The following ATP5MC3 variants were observed in gnomAD, a reference collection of about 807,000 sequenced individuals.
The protein encoded by ATP5MC3 is ATP synthase F(0) complex subunit C3, mitochondrial.
In ATP5MC3, 6 loss-of-function variants were observed where a neutral mutation model predicts 15.6. The ratio of observed to expected loss-of-function variants is 0.38; its 90% CI spans 0.21 to 0.76. The LOEUF (loss-of-function observed/expected upper bound fraction) is 0.76, where lower values mean the gene tolerates loss of function less well. Among genes scored for constraint, ATP5MC3 ranks in the 30% least tolerant of loss-of-function variants. The pLI, the probability that ATP5MC3 is intolerant of heterozygous loss-of-function variation, is 0.44. For missense variants in ATP5MC3, 132 were observed against 171.2 expected (o/e 0.77, Z 1.28); for synonymous variants, 66 against 63.3 (o/e 1.04, Z -0.20).
At chr2:175,178,987 T>C (rs936204348) in intron 4 of ATP5MC3, 70 bp downstream of exon 4, 1 of 1,563,448 alleles carries the variant, frequency 6.4e-7, no homozygotes, top group East Asian at 2.3e-5. Flanking sequence ...AAAGTAGCTA[T>C]TATTTCAGTA....
rs577775985 is a variant in ATP5MC3, at chr2:175,178,417, A to G, written c.315-15T>C. The G allele has an allele frequency of 2.5e-6, 4 of 1,580,950 alleles. No homozygotes were observed. The highest frequency in any genetic ancestry group is 2.0e-5 in the Admixed American group (1 of 49,398). ...GCGAAGGGTTTCTAAAAGAGACCAC[A>G]TATGACTGTTACTTTGAAATATTAA... is the stretch of plus-strand genomic sequence containing the variant. On this transcript the variant is annotated splice_polypyrimidine_tract_variant and intron_variant, in intron 4 of 4. Coordinates refer to ENST00000284727, the MANE Select transcript of ATP5MC3 (RefSeq NM_001689.5).
At chr2:175,181,223 T>G in intron 2 of ATP5MC3, 132 bp downstream of exon 2, 1 of 1,115,656 alleles carries the variant, frequency 9.0e-7, no homozygotes, top group Non-Finnish European at 1.3e-6. Context: ...GGCAATGGGT[T>G]AATAGGTAAG....
chr2:175,178,393 C>T lies in ATP5MC3; in HGVS notation c.324G>A (p.Ser108=), dbSNP rs777341021. 6.2e-6 allele frequency: 10 copies of T among 1,603,748 alleles called. No individual in the cohort carries two copies. Among genetic ancestry groups the T allele is most frequent in the South Asian group, 3.4e-5 (3 of 88,724 alleles). The part of the protein sequence containing the change: ...SLIIGYARNP[S]LKQQLFSYAI... ...CATATGAGAACAGCTGCTGCTTCAGCGAAGGGTTTCTAAAAGAGACCACAT... is the reference window on the plus strand; with the variant it reads ...CATATGAGAACAGCTGCTGCTTCAGTGAAGGGTTTCTAAAAGAGACCACAT... The change falls in exon 5 of 5, where the codon TCG becomes TCA. Residue 108 remains serine (S), a synonymous_variant. Coordinates refer to ENST00000284727, the MANE Select transcript of ATP5MC3 (RefSeq NM_001689.5).
Sources: allele counts gnomAD v4.1 joint callset, GRCh38; gene constraint gnomAD v4.1.1; transcripts MANE v1.5; gene names NCBI Gene and HGNC (gene_info 2026-07-23, HGNC 2026-07-21).